The following FGR variants were observed in gnomAD, a reference collection of about 807,000 sequenced individuals.
FGR encodes the protein tyrosine-protein kinase Fgr.
A neutral mutation model predicts 63.2 loss-of-function variants in FGR; 26 were observed. The ratio of observed to expected loss-of-function variants is 0.41; its 90% CI spans 0.30 to 0.57. The LOEUF (loss-of-function observed/expected upper bound fraction) is 0.57. Ranked by LOEUF, FGR falls within the 20% of genes least tolerant of loss-of-function variation. FGR has a pLI of 0.27. For synonymous variants in FGR, 286 were observed against 277.7 expected (o/e 1.03, Z -0.30); for missense variants, 511 against 690.8 (o/e 0.74, Z 2.92).
At position 27,617,175 on chromosome 1, in the gene FGR, G is replaced by T; in HGVS notation, c.532+18C>A. On this transcript the variant is annotated intron_variant, in intron 6 of 12. Transcript: ENST00000374005. The surrounding 1 kb of genome is among the most constrained non-coding windows in gnomAD (Gnocchi z 4.5). ...GGCTGGGCCTCCCAGTCGCCTTGGG[G>T]CGTGGCACCACCCCTACCTTTGGTG... 6.2e-7 allele frequency: 1 copy of T among 1,611,290 alleles called. No homozygotes were observed. Among genetic ancestry groups the T allele is most frequent in the Non-Finnish European group, 8.5e-7 (1 of 1,177,460 alleles).
intron 1 of FGR, among the ~76,000 whole-genome samples, chr1:27,628,318 A>G (rs1294931181): frequency 6.6e-6 from 1 of 152,112 alleles, no homozygotes; most frequent in Non-Finnish European, 1.5e-5. Context: ...ACTGTACTCC[A>G]GCCTGGGCAG....
At chr1:27,620,991 C>CAAAAAAAAAAAAAAAAAAAAAAAAAA (rs59265327) in intron 5 of FGR, among the ~76,000 whole-genome samples, 2 of 22,022 alleles carry the variant, frequency 9.1e-5, no homozygotes, top group African/African-American at 1.1e-4. Context: ...GACCCTGTCT[C>CAAAAAAAAAAAAAAAAAAAAAAAAAA]AAAAAAAAAA....
At chr1:27,633,920 T>C (rs2090141166) in intron 1 of FGR, among the ~76,000 whole-genome samples, 2 of 152,136 alleles carry the variant, frequency 1.3e-5, no homozygotes, top group South Asian at 4.1e-4. Context: ...TTTCTCACCA[T>C]AGTTCAGATG....
chr1:27,624,057 C>T (rs2089978066), intron 2 of FGR, 128 bp from the exon 3 acceptor site: 2 of 758,454 alleles, frequency 2.6e-6, no homozygotes, highest in Non-Finnish European at 4.2e-6. Flanking sequence ...AGATTGGGGT[C>T]CTCCCTGTAA....
rs1475959694 is a variant in FGR at position 27,616,863 on chromosome 1, A to G, written c.676T>C (p.Tyr226His). 1 of 1,614,122 alleles carries G rather than the reference A, an allele frequency of 6.2e-7. No homozygotes were observed. The highest frequency in any genetic ancestry group is 8.5e-7 in the Non-Finnish European group (1 of 1,180,006). The change falls in exon 7 of 13, where the codon TAC (tyrosine) becomes CAC (histidine). Residue 226 changes from tyrosine to histidine, a missense_variant. Tyr to His is a moderately conservative substitution (Grantham distance 83). Coordinates refer to ENST00000374005, the MANE Select transcript of FGR (RefSeq NM_005248.3). This position sits in a 1 kb window ranked among gnomAD's most constrained non-coding sequence, Gnocchi z 4.3. ...CTGAGGCCCCTGCCCTCACCCATGT[A>G]GTGCTGCACCAGCTCCTGCACCGAG... ...FNSVQELVQH[Y>H]MEVNDGLCNL... is the part of the protein sequence containing the mutation.
chr1:27,623,655 T>C, intron 3 of FGR, 36 bp downstream of exon 3: 1 of 1,596,404 alleles, frequency 6.3e-7, no homozygotes, highest in Non-Finnish European at 8.6e-7. Context: ...TCTCCCAGGA[T>C]CCAGGCAGCT....
chr1:27,634,316 G>T lies in FGR; in HGVS notation c.-77+749C>A, dbSNP rs1464879735. 2.0e-5 allele frequency among the ~76,000 whole-genome samples: 3 copies of T among 152,240 alleles called. 1 individual carries two copies. Among genetic ancestry groups the T allele is most frequent in the South Asian group, 4.1e-4 (2 of 4,830 alleles). On this transcript the variant is annotated intron_variant, in intron 1 of 12. Transcript: ENST00000374005. ...CGAGACCGCCGCGGGCGCGGAGGGG[G>T]CGCCCGGAGAGGCCTGTCCCTGCCG...
intron 1 of FGR, among the ~76,000 whole-genome samples, chr1:27,633,071 ACACT>A (rs2090129492): frequency 6.6e-6 from 1 of 152,006 alleles, no homozygotes; most frequent in African/African-American, 2.4e-5. Context: ...AAACATACAA[ACACT>A]CACACCCTCA....
At chr1:27,613,179 G>T (rs1421505155) in intron 12 of FGR, 40 bp downstream of exon 12, 3 of 1,609,892 alleles carry the variant, frequency 1.9e-6, no homozygotes, top group South Asian at 1.1e-5. Flanking sequence ...CCTTCCCCGT[G>T]ACCATCCCCC....
intron 10 of FGR, 87 bp downstream of exon 10, chr1:27,614,763 G>C (rs2089768410): frequency 1.4e-6 from 2 of 1,386,080 alleles, no homozygotes; most frequent in African/African-American, 1.4e-5. Context: ...GGGCGGGGCC[G>C]CCCTCCCAGG....
intron 1 of FGR, among the ~76,000 whole-genome samples, chr1:27,628,197 C>A (rs72655017): frequency 0.04 from 6,038 of 150,620 alleles, 171 homozygotes; most frequent in Non-Finnish European, 0.062. Context: ...AAAAAAAAAC[C>A]AAAAAAACTC....
Position 27,617,137 on chromosome 1 carries a change from G to C in FGR, c.532+56C>G. The C allele has an allele frequency of 1.2e-6, 2 of 1,600,414 alleles. No individual in the cohort carries two copies. The highest frequency in any genetic ancestry group is 2.2e-5 in the South Asian group (2 of 90,744). On this transcript the variant is annotated intron_variant, in intron 6 of 12. Transcript: ENST00000374005. The surrounding 1 kb of genome is among the most constrained non-coding windows in gnomAD (Gnocchi z 4.5). ...TAACCCAAGCAGCCTACCGCTCCTA[G>C]CCCTACCCCAATGGCTGGGCCTCCC... is the stretch of plus-strand genomic sequence containing the variant.
intron 1 of FGR, among the ~76,000 whole-genome samples, chr1:27,632,884 C>T (rs1319986351): frequency 6.6e-6 from 1 of 152,088 alleles, no homozygotes; most frequent in Non-Finnish European, 1.5e-5. Flanking sequence ...CTTAGGTCAG[C>T]CCAGTCTGCT....
At chr1:27,630,052 T>A (rs972131113) in intron 1 of FGR, among the ~76,000 whole-genome samples, 1 of 140,718 alleles carries the variant, frequency 7.1e-6, no homozygotes, top group African/African-American at 3.0e-5. Flanking sequence ...ATTATGAGAT[T>A]TTTTTTGTGA....
chr1:27,621,773 C>T (rs1436063696), intron 4 of FGR, 116 bp from the exon 5 acceptor site: 1 of 720,154 alleles, frequency 1.4e-6, no homozygotes. Context: ...TCATCTTGGA[C>T]ACCCCCCACC....
At chr1:27,619,744 A>G (rs1260939078) in intron 5 of FGR, among the ~76,000 whole-genome samples, 1 of 152,154 alleles carries the variant, frequency 6.6e-6, no homozygotes, top group African/African-American at 2.4e-5. Context: ...ACAAACCACA[A>G]TCCAACAAGT....
rs536183859 is a variant in FGR, at chr1:27,616,521, G to A, written c.682+336C>T. Among the ~76,000 whole-genome samples, 4 of 152,372 alleles carry A rather than the reference G, an allele frequency of 2.6e-5. No individual in the cohort carries two copies. In the East Asian group the frequency reaches 7.7e-4, roughly 29 times the overall value. ...TGTCACCCCCTGCTCAGGGCCCTGT[G>A]ATGATGGCTCCCTGTCTGCCCACAG... On this transcript the variant is annotated intron_variant, in intron 7 of 12. Coordinates refer to ENST00000374005, the MANE Select transcript of FGR (RefSeq NM_005248.3). The surrounding 1 kb of genome is among the most constrained non-coding windows in gnomAD (Gnocchi z 4.3).
At chr1:27,625,615 C>A (rs1490745729) in intron 1 of FGR, among the ~76,000 whole-genome samples, 1 of 152,160 alleles carries the variant, frequency 6.6e-6, no homozygotes, top group Non-Finnish European at 1.5e-5. Context: ...ATGCTCAGCT[C>A]CCTCACAGTC....
At chr1:27,614,733 G>A (rs995159762) in intron 10 of FGR, 117 bp downstream of exon 10, 2 of 1,321,962 alleles carry the variant, frequency 1.5e-6, no homozygotes, top group Non-Finnish European at 2.1e-6. Context: ...AGGCACAGCT[G>A]GAGGCACAGC....
Sources: gnomAD v4.1 joint callset for allele counts (sites outside exome capture counted in the v4.1 genomes callset) on GRCh38, gnomAD v4.1.1 for gene constraint, Gnocchi (gnomAD v3.1) non-coding constraint, MANE v1.5 for transcripts, NCBI Gene and HGNC (gene_info 2026-07-23, HGNC 2026-07-21) for gene names.